Variants in GSE1 observed in about 807,000 individuals in gnomAD.
GSE1 encodes the protein genetic suppressor element 1.
Under a neutral mutation model 112.6 loss-of-function variants are expected in GSE1, and 32 were observed. The ratio of observed to expected loss-of-function variants is 0.28; its 90% confidence interval spans 0.21 to 0.38. GSE1 has a LOEUF of 0.38. Ranked by LOEUF, GSE1 falls within the 10% of genes least tolerant of loss-of-function variation. The probability of loss-of-function intolerance (pLI) is 1.00; values close to 1 mark genes in which losing one functional copy is unlikely to be tolerated. For missense variants in GSE1, 2,348 were observed against 1,699.2 expected (o/e 1.38, Z -6.71); for synonymous variants, 1,115 against 735.6 (o/e 1.52, Z -8.35).
At position 85,419,765 on chromosome 16, in the gene GSE1, C is replaced by T. The variant is rs1334419103; in HGVS notation, c.2464+62122C>T. On this transcript the variant is annotated intron_variant, in intron 2 of 2. Coordinates refer to the GSE1 transcript ENST00000637419. This position sits in a 1 kb window ranked among gnomAD's most constrained non-coding sequence, Gnocchi z 6.5. ...TCTGATGCCTGCCTCCCCCGCCCCGCCCCCACCCCTCCAAGACTCTGATGG... is the reference window on the plus strand; with the variant it reads ...TCTGATGCCTGCCTCCCCCGCCCCGTCCCCACCCCTCCAAGACTCTGATGG... 6.6e-6 allele frequency among the ~76,000 whole-genome samples: 1 copy of T among 151,886 alleles called. No individual in the cohort carries two copies. The highest frequency in any genetic ancestry group is 6.6e-5 in the Admixed American group (1 of 15,258).
At chr16:85,170,412 C>T (rs975646724) in exon 1 of GSE1, 4 of 985,422 alleles carry the variant, frequency 4.1e-6, no homozygotes, top group Middle Eastern at 5.2e-4. Context: ...AAGGGCCTCC[C>T]TCTGGCAGAG....
intron 3 of GSE1, among the ~76,000 whole-genome samples, chr16:85,651,283 A>G (rs1032995239): frequency 2.7e-5 from 4 of 150,712 alleles, no homozygotes; most frequent in African/African-American, 9.8e-5. Flanking sequence ...CCTGTGCCTC[A>G]CTCCAGGCCC....
intron 1 of GSE1, among the ~76,000 whole-genome samples, chr16:85,627,255 C>T (rs940431519): frequency 2.0e-5 from 3 of 150,968 alleles, no homozygotes; most frequent in African/African-American, 4.9e-5. Flanking sequence ...GAGGGTTTTG[C>T]GGTGCTGTGG....
At chr16:85,400,176 C>T (rs529685501) in intron 2 of GSE1, among the ~76,000 whole-genome samples, 33 of 152,338 alleles carry the variant, frequency 2.2e-4, no homozygotes, top group South Asian at 2.1e-3. Context: ...ATCCGCCAGA[C>T]GCCCCACAGG....
chr16:85,228,152 G>A (rs977506095), intron 1 of GSE1, among the ~76,000 whole-genome samples: 4 of 152,248 alleles, frequency 2.6e-5, no homozygotes, highest in African/African-American at 9.6e-5. Flanking sequence ...GGCTGCTGGA[G>A]GAGCAGCGCT....
intron 2 of GSE1, among the ~76,000 whole-genome samples, chr16:85,482,744 A>T (rs2050719273): frequency 6.6e-6 from 1 of 152,186 alleles, no homozygotes; most frequent in East Asian, 1.9e-4. Context: ...TTGGGAGGCC[A>T]AGGAGGGCGG....
At chr16:85,422,370 G>C (rs575103370) in intron 2 of GSE1, among the ~76,000 whole-genome samples, 5 of 147,418 alleles carry the variant, frequency 3.4e-5, no homozygotes, top group East Asian at 4.1e-4. Context: ...TGGGCGGGGC[G>C]GGGGGGGGTG....
At chr16:85,602,628 TGGG>T (rs925319352) in intron 1 of GSE1, among the ~76,000 whole-genome samples, 3 of 152,064 alleles carry the variant, frequency 2.0e-5, no homozygotes, top group African/African-American at 7.2e-5. Flanking sequence ...GTGGCCTTGG[TGGG>T]GGCCTGAGGT....
intron 1 of GSE1, among the ~76,000 whole-genome samples, chr16:85,306,626 G>A (rs1215027218): frequency 6.6e-6 from 1 of 152,160 alleles, no homozygotes; most frequent in Admixed American, 6.5e-5. Context: ...ATAGCTCACT[G>A]CAGCCTCATC....
At chr16:85,191,970 AG>A (rs2074832893) in intron 1 of GSE1, among the ~76,000 whole-genome samples, 1 of 152,210 alleles carries the variant, frequency 6.6e-6, no homozygotes, top group Non-Finnish European at 1.5e-5. Flanking sequence ...AAGGAGGACA[AG>A]GGCAGCAGTT....
At position 85,663,540 on chromosome 16, in the gene GSE1, G is replaced by C; in HGVS notation, c.2570G>C (p.Ser857Thr). ...TRYSPDEMNN[S>T]PNFEEKKKFL... ...TACAGCCCTGATGAGATGAACAACA[G>C]TCCCAACTTCGAAGAAAAGAAGAAG... Residue 857 changes from serine (S) to threonine (T), a missense_variant, in exon 11 of 16, where the codon AGT becomes ACT. By Grantham distance (58) the Ser-to-Thr change is moderately conservative. Transcript: ENST00000253458. The C allele has an allele frequency of 6.2e-7, 1 of 1,613,858 alleles. No homozygotes were observed. Among genetic ancestry groups the C allele is most frequent in the Non-Finnish European group, 8.5e-7 (1 of 1,179,978 alleles).
At position 85,531,775 on chromosome 16, in the gene GSE1, A is replaced by G. The variant is rs528833863; in HGVS notation, c.2465-102139A>G. On this transcript the variant is annotated intron_variant, in intron 2 of 2. Coordinates refer to the GSE1 transcript ENST00000637419. ...CCGGATGGCCCCGGGTCCTGAGACA[A>G]TGGGCTCAGGGAGGGGCCAGGTGCT... Among the ~76,000 whole-genome samples, 31 of 152,278 alleles carry G rather than the reference A, an allele frequency of 2.0e-4. 1 individual carries two copies. Among genetic ancestry groups the G allele is most frequent in the Admixed American group, 7.2e-4 (11 of 15,302 alleles).
chr16:85,336,918 C>T (rs1388348012), intron 1 of GSE1, among the ~76,000 whole-genome samples: 2 of 152,248 alleles, frequency 1.3e-5, no homozygotes, highest in African/African-American at 4.8e-5. Flanking sequence ...ACACGCATGC[C>T]CACACAAATG....
chr16:85,308,438 C>T (rs1039132921), intron 1 of GSE1, among the ~76,000 whole-genome samples: 6 of 152,124 alleles, frequency 3.9e-5, no homozygotes, highest in Admixed American at 1.3e-4. Context: ...CATCAGTGTG[C>T]ATTTTAAGCC....
chr16:85,635,150 C>A (rs910496262), intron 2 of GSE1, among the ~76,000 whole-genome samples: 1 of 152,198 alleles, frequency 6.6e-6, no homozygotes, highest in African/African-American at 2.4e-5. Context: ...GGGGGGACTT[C>A]TCATTTCTGA....
At chr16:85,632,604 C>T (rs2049631316) in intron 1 of GSE1, among the ~76,000 whole-genome samples, 1 of 152,202 alleles carries the variant, frequency 6.6e-6, no homozygotes, top group Non-Finnish European at 1.5e-5. Context: ...TTGTCAATGT[C>T]ACTTAGAATC....
intron 2 of GSE1, among the ~76,000 whole-genome samples, chr16:85,634,863 G>T (rs1484004110): frequency 6.6e-6 from 1 of 152,178 alleles, no homozygotes; most frequent in African/African-American, 2.4e-5. Context: ...TGGCACAAAT[G>T]GGGAGGGGCA....
upstream of GSE1, chr16:85,555,855 T>C: frequency 3.3e-6 from 3 of 908,320 alleles, no homozygotes; most frequent in Non-Finnish European, 3.9e-6. Context: ...GAGTAATCCC[T>C]GAAGATCTTA....
At chr16:85,351,121 A>C (rs1421679361) in intron 1 of GSE1, among the ~76,000 whole-genome samples, 2 of 152,130 alleles carry the variant, frequency 1.3e-5, no homozygotes, top group African/African-American at 4.8e-5. Flanking sequence ...CAGCTGGGAG[A>C]GTAGCCAAGA....
Sources: gnomAD v4.1 joint callset for allele counts (sites outside exome capture counted in the v4.1 genomes callset) on GRCh38, gnomAD v4.1.1 for gene constraint, Gnocchi (gnomAD v3.1) non-coding constraint, MANE v1.5 for transcripts, NCBI Gene and HGNC (gene_info 2026-07-23, HGNC 2026-07-21) for gene names.